Variants in MMP26 observed in about 807,000 individuals in gnomAD.
The protein encoded by MMP26 is matrix metallopeptidase 26.
MMP26 carries 33 observed loss-of-function variants against 31.0 expected under a neutral mutation model. The observed-to-expected ratio is 1.06, with a 90% CI of 0.81 to 1.42. MMP26 has a LOEUF of 1.42. Ranked by LOEUF, MMP26 falls within the 40% of genes most tolerant of loss-of-function variation. The pLI, the probability that MMP26 is intolerant of heterozygous loss-of-function variation, is 0.00. For missense variants in MMP26, 347 were observed against 316.1 expected, an observed-to-expected ratio of 1.10 and a Z score of -0.74; for synonymous variants, 122 against 114.9, an observed-to-expected ratio of 1.06 and a Z score of -0.40.
intron 1 of MMP26, among the ~76,000 whole-genome samples, chr11:4,757,099 T>C (rs1487360606): frequency 1.3e-5 from 2 of 152,024 alleles, no homozygotes; most frequent in East Asian, 3.9e-4. Flanking sequence ...ATTAAACCAA[T>C]GCAATTAAGA....
intron 1 of MMP26, among the ~76,000 whole-genome samples, chr11:4,705,630 A>T (rs866493967): frequency 5.1e-4 from 77 of 152,292 alleles, no homozygotes; most frequent in African/African-American, 1.8e-3. Flanking sequence ...AGAGTTTAAT[A>T]TTTGCTCATT....
At chr11:4,885,834 GC>G (rs1488790515) in intron 2 of MMP26, among the ~76,000 whole-genome samples, 4 of 152,058 alleles carry the variant, frequency 2.6e-5, no homozygotes, top group African/African-American at 9.7e-5. Context: ...CTTCTAGGAA[GC>G]TTTGCTTTCA....
Position 4,859,537 on chromosome 11 carries a change from T to C in MMP26, c.-145+92196T>C, listed in dbSNP as rs191425614. On this transcript the variant is annotated intron_variant, in intron 2 of 7. Coordinates refer to ENST00000380390, the MANE Select transcript of MMP26 (RefSeq NM_021801.5). ...CAGATGTGCAAAATTTGATGCACCA[T>C]AACTGTGGAAAATTAAATAATTAAT... 1,511 of 368,206 alleles carry C rather than the reference T, an allele frequency of 4.1e-3. 6 individuals carry two copies. The highest frequency in any genetic ancestry group is 4.9e-3 in the Non-Finnish European group (908 of 185,290). 22.8% of individuals were successfully genotyped at this position (368,206 alleles called of 1,614,324 possible). A position where few individuals can be genotyped will look rare whatever the true frequency, so the allele number is the denominator to read the frequency against.
intron 2 of MMP26, among the ~76,000 whole-genome samples, chr11:4,902,096 C>A (rs1387222562): frequency 6.6e-6 from 1 of 152,152 alleles, no homozygotes; most frequent in Non-Finnish European, 1.5e-5. Flanking sequence ...GTTACACACA[C>A]AAAAGTAGCC....
chr11:4,761,234 A>G (rs919471048), intron 1 of MMP26, among the ~76,000 whole-genome samples: 2 of 152,214 alleles, frequency 1.3e-5, no homozygotes, highest in African/African-American at 4.8e-5. Context: ...CCTTGTGTTT[A>G]TCTATGCTAA....
intron 2 of MMP26, among the ~76,000 whole-genome samples, chr11:4,894,953 G>A (rs1399802744): frequency 1.3e-5 from 2 of 152,006 alleles, no homozygotes; most frequent in Admixed American, 1.3e-4. Flanking sequence ...TTATGAACAG[G>A]AAATAGTAAA....
chr11:4,876,252 G>A (rs1036697012), intron 2 of MMP26: 2 of 152,114 alleles, frequency 1.3e-5, no homozygotes, highest in African/African-American at 4.8e-5. Context: ...CTGCAAGACA[G>A]GTAACTTCTT....
At chr11:4,853,335 T>C (rs1189142431) in intron 2 of MMP26, among the ~76,000 whole-genome samples, 1 of 152,178 alleles carries the variant, frequency 6.6e-6, no homozygotes, top group African/African-American at 2.4e-5. Context: ...AACATCATAT[T>C]GTACACCTTG....
At chr11:4,720,250 T>C (rs1000287529) in intron 1 of MMP26, among the ~76,000 whole-genome samples, 1 of 152,232 alleles carries the variant, frequency 6.6e-6, no homozygotes, top group African/African-American at 2.4e-5. Context: ...CCAATCTGTA[T>C]AGTTTCTTCA....
chr11:4,854,995 A>G (rs1229751417), intron 2 of MMP26, among the ~76,000 whole-genome samples: 4 of 152,244 alleles, frequency 2.6e-5, no homozygotes, highest in Non-Finnish European at 5.9e-5. Context: ...AGCTACAGCT[A>G]AGGGTCCTGA....
At chr11:4,797,292 T>C (rs1476974827) in intron 2 of MMP26, among the ~76,000 whole-genome samples, 1 of 151,952 alleles carries the variant, frequency 6.6e-6, no homozygotes, top group Non-Finnish European at 1.5e-5. Flanking sequence ...TTTCATCCCA[T>C]GTGTGTTTAA....
At chr11:4,984,026 A>G (rs938886448) in intron 2 of MMP26, among the ~76,000 whole-genome samples, 2 of 152,182 alleles carry the variant, frequency 1.3e-5, no homozygotes, top group Non-Finnish European at 2.9e-5. Context: ...GCTGGCTCTC[A>G]GCAGTCAGCA....
chr11:4,943,995 T>G, intron 2 of MMP26: 1 of 414,382 alleles, frequency 2.4e-6, no homozygotes, highest in South Asian at 1.8e-5. Context: ...GTCTTCATAT[T>G]GGGCTGCCTA....
intron 2 of MMP26, among the ~76,000 whole-genome samples, chr11:4,929,204 G>C (rs969556516): frequency 2.0e-5 from 3 of 151,690 alleles, no homozygotes; most frequent in African/African-American, 7.3e-5. Context: ...TAAGTTTTAG[G>C]GTACATGTGC....
At chr11:4,849,582 T>C (rs1849944760) in intron 2 of MMP26, among the ~76,000 whole-genome samples, 1 of 152,210 alleles carries the variant, frequency 6.6e-6, no homozygotes. Context: ...TATTTTTTTC[T>C]CTTCCCAACC....
chr11:4,929,718 A>C (rs929191415), intron 2 of MMP26, among the ~76,000 whole-genome samples: 3 of 152,124 alleles, frequency 2.0e-5, no homozygotes, highest in African/African-American at 7.2e-5. Flanking sequence ...CTCATTATTT[A>C]GATGCTTTAG....
intron 2 of MMP26, among the ~76,000 whole-genome samples, chr11:4,831,123 AT>A (rs1411742135): frequency 6.6e-6 from 1 of 152,044 alleles, no homozygotes; most frequent in African/African-American, 2.4e-5. Context: ...ACTACTTTCT[AT>A]TTCTACCCAC....
chr11:4,865,743 G>T (rs1229535115), intron 2 of MMP26, among the ~76,000 whole-genome samples: 1 of 152,046 alleles, frequency 6.6e-6, no homozygotes, highest in Non-Finnish European at 1.5e-5. Context: ...TCGACTTCAA[G>T]TGGAAAGAAA....
intron 1 of MMP26, among the ~76,000 whole-genome samples, chr11:4,759,113 A>C (rs372424746): frequency 7.2e-4 from 86 of 119,824 alleles, no homozygotes; most frequent in African/African-American, 2.6e-3. Flanking sequence ...TTCCATCTCA[A>C]AAAAAAAAAA....
Sources: allele counts gnomAD v4.1 joint callset (sites outside exome capture counted in the v4.1 genomes callset), GRCh38; gene constraint gnomAD v4.1.1; transcripts MANE v1.5; gene names NCBI Gene and HGNC (gene_info 2026-07-23, HGNC 2026-07-21).